CACNA2D2: variants seen among roughly 807,000 people sequenced by gnomAD.
CACNA2D2 encodes calcium voltage-gated channel auxiliary subunit alpha2delta 2.
A neutral mutation model predicts 166.4 loss-of-function variants in CACNA2D2; 48 were observed. That is an observed-to-expected ratio of 0.29 (90% CI 0.23 to 0.37). The LOEUF (loss-of-function observed/expected upper bound fraction) is 0.37. CACNA2D2 is among the 10% of genes least tolerant of loss of function. The pLI is 1.00. For missense variants in CACNA2D2, 1,122 were observed against 1,433.0 expected, an observed-to-expected ratio of 0.78 and a Z score of 3.50; for synonymous variants, 561 against 573.7, an observed-to-expected ratio of 0.98 and a Z score of 0.32.
intron 2 of CACNA2D2, among the ~76,000 whole-genome samples, chr3:50,436,786 G>A (rs1247605697): frequency 1.3e-5 from 2 of 152,216 alleles, no homozygotes; most frequent in African/African-American, 4.8e-5. Flanking sequence ...GCTGTCCAAA[G>A]CCATCGGCTC....
At chr3:50,460,593 G>A (rs1221193963) in intron 2 of CACNA2D2, among the ~76,000 whole-genome samples, 14 of 152,078 alleles carry the variant, frequency 9.2e-5, no homozygotes, top group Admixed American at 2.6e-4. Flanking sequence ...GGTGGCTCAC[G>A]CCTCTAATCC....
At chr3:50,370,182 T>C in intron 23 of CACNA2D2, 138 bp downstream of exon 23, 1 of 674,906 alleles carries the variant, frequency 1.5e-6, no homozygotes, top group South Asian at 1.7e-5. Context: ...CAGCCGCGCA[T>C]ACCGGGCGAT....
intron 2 of CACNA2D2, among the ~76,000 whole-genome samples, chr3:50,439,071 G>A (rs746447394): frequency 1.3e-5 from 2 of 152,224 alleles, no homozygotes; most frequent in East Asian, 1.9e-4. Context: ...GAACTGGGTC[G>A]AATCCAAAGC....
Position 50,368,923 on chromosome 3 carries a change from T to G in CACNA2D2, c.2046-688A>C, listed in dbSNP as rs146364236. Among the ~76,000 whole-genome samples, 178 of 152,316 alleles carry G rather than the reference T, an allele frequency of 1.2e-3. 1 individual carries two copies. Among genetic ancestry groups the G allele is most frequent in the African/African-American group, 4.1e-3 (171 of 41,566 alleles). ...CTTGGGAGCAATCCCTCTACCCTGATAGGTGGAGCTCTCTCTCGCTCGACC... is the reference window on the plus strand; with the variant it reads ...CTTGGGAGCAATCCCTCTACCCTGAGAGGTGGAGCTCTCTCTCGCTCGACC... On this transcript the variant is annotated intron_variant, in intron 23 of 37. Transcript: ENST00000424201.
intron 22 of CACNA2D2, 139 bp downstream of exon 22, chr3:50,374,598 C>T (rs1456084569): frequency 1.2e-6 from 1 of 837,526 alleles, no homozygotes; most frequent in African/African-American, 1.7e-5. Context: ...GTGCCCCAGC[C>T]TGCGGGCACC....
chr3:50,482,311 G>A (rs1698086379), intron 1 of CACNA2D2, among the ~76,000 whole-genome samples: 1 of 152,206 alleles, frequency 6.6e-6, no homozygotes, highest in South Asian at 2.1e-4. Flanking sequence ...CACCTTCCCT[G>A]GGGAGTCCTC....
intron 2 of CACNA2D2, among the ~76,000 whole-genome samples, chr3:50,435,999 G>A (rs1708303625): frequency 6.6e-6 from 1 of 152,166 alleles, no homozygotes; most frequent in South Asian, 2.1e-4. Flanking sequence ...AGAGACACAG[G>A]GTGAGGAGGG....
intron 22 of CACNA2D2, chr3:50,373,083 G>A: frequency 1.3e-6 from 2 of 1,535,164 alleles, no homozygotes; most frequent in Non-Finnish European, 1.7e-6. Context: ...TTGCTGATTG[G>A]CACTGGGACA....
intron 22 of CACNA2D2, among the ~76,000 whole-genome samples, chr3:50,370,725 T>C (rs1704613195): frequency 6.6e-6 from 1 of 151,968 alleles, no homozygotes; most frequent in South Asian, 2.1e-4. Flanking sequence ...CACATATATA[T>C]ACACACACTG....
chr3:50,390,795 G>C (rs1047012268), intron 4 of CACNA2D2, among the ~76,000 whole-genome samples: 1 of 152,188 alleles, frequency 6.6e-6, no homozygotes, highest in Non-Finnish European at 1.5e-5. Context: ...TGGGTCTCAG[G>C]GAACAAGCTG....
At position 50,427,409 on chromosome 3, in the gene CACNA2D2, G is replaced by A. The variant is rs1243308087; in HGVS notation, c.405+6904C>T. On this transcript the variant is annotated intron_variant, in intron 3 of 37. Transcript: ENST00000424201. This position sits in a 1 kb window ranked among gnomAD's most constrained non-coding sequence, Gnocchi z 4.7. ...GCCAGGAAGCAGCGGCACTGTTTGGGTGAGGGGAGAATAATCAGCTGTAAA... is the reference window on the plus strand; with the variant it reads ...GCCAGGAAGCAGCGGCACTGTTTGGATGAGGGGAGAATAATCAGCTGTAAA... 6.6e-6 allele frequency among the ~76,000 whole-genome samples: 1 copy of A among 152,252 alleles called. No homozygotes were observed. Among genetic ancestry groups the A allele is most frequent in the African/African-American group, 2.4e-5 (1 of 41,470 alleles).
rs1704368344 is a variant in CACNA2D2 at position 50,367,322 on chromosome 3, C to A, written c.2401+72G>T. 1 of 1,396,878 alleles carries A rather than the reference C, an allele frequency of 7.2e-7. No homozygotes were observed. The highest frequency in any genetic ancestry group is 1.8e-5 in the Admixed American group (1 of 56,254). 86.5% of individuals were successfully genotyped at this position (1,396,878 alleles called of 1,614,324 possible). On this transcript the variant is annotated intron_variant, in intron 27 of 37. Transcript: ENST00000424201. The surrounding 1 kb of genome is among the most constrained non-coding windows in gnomAD (Gnocchi z 6.5). ...GGAGAGGGGCCTCAGACAGCAGAGC[C>A]CAGTTCTGGCTGAGCAGACAGGGAA...
Position 50,365,206 on chromosome 3 carries a change from G to A in CACNA2D2, c.3099-22C>T. The stretch of plus-strand genomic sequence containing the variant: ...CAGCCTGCGGGCAGCCCGGAAAGGC[G>A]GGGCGTTGAGTTTGCCCCGCCCTGA... On this transcript the variant is annotated intron_variant, in intron 35 of 37. Coordinates refer to ENST00000424201, the MANE Select transcript of CACNA2D2 (RefSeq NM_006030.4). This position sits in a 1 kb window ranked among gnomAD's most constrained non-coding sequence, Gnocchi z 4.5. 6.2e-7 allele frequency: 1 copy of A among 1,610,436 alleles called. No homozygotes were observed. Among genetic ancestry groups the A allele is most frequent in the Non-Finnish European group, 8.5e-7 (1 of 1,178,656 alleles).
intron 3 of CACNA2D2, among the ~76,000 whole-genome samples, chr3:50,421,600 G>A (rs1358586759): frequency 6.6e-6 from 1 of 152,102 alleles, no homozygotes; most frequent in East Asian, 1.9e-4. Context: ...ACCCCATGGT[G>A]CCCTGCTCCC....
At chr3:50,415,202 G>A (rs567663460) in intron 3 of CACNA2D2, among the ~76,000 whole-genome samples, 9 of 152,342 alleles carry the variant, frequency 5.9e-5, no homozygotes, top group East Asian at 1.9e-4. Context: ...CACAGGCTCC[G>A]ATGTGAGGGA....
intron 1 of CACNA2D2, among the ~76,000 whole-genome samples, chr3:50,488,793 G>A (rs537129325): frequency 7.9e-5 from 12 of 151,804 alleles, no homozygotes; most frequent in Non-Finnish European, 1.6e-4. Flanking sequence ...TCCGCCCCTC[G>A]GGTTCATGCC....
At chr3:50,392,386 G>T (rs557892539) in intron 4 of CACNA2D2, among the ~76,000 whole-genome samples, 1 of 152,320 alleles carries the variant, frequency 6.6e-6, no homozygotes, top group South Asian at 2.1e-4. Context: ...CAGCAGCTGG[G>T]AAGGAGGGAG....
intron 6 of CACNA2D2, 140 bp downstream of exon 6, chr3:50,384,056 G>A (rs1275126166): frequency 3.9e-6 from 4 of 1,026,542 alleles, no homozygotes; most frequent in Admixed American, 2.1e-5. Flanking sequence ...TCTGAGAGGT[G>A]CGCAGGAGTA....
chr3:50,371,577 G>A (rs1301964994), intron 22 of CACNA2D2, among the ~76,000 whole-genome samples: 1 of 152,076 alleles, frequency 6.6e-6, no homozygotes, highest in Non-Finnish European at 1.5e-5. Flanking sequence ...TTGCTCCCAG[G>A]GCTTTAATTG....
Sources: allele counts gnomAD v4.1 joint callset (sites outside exome capture counted in the v4.1 genomes callset), GRCh38; gene constraint gnomAD v4.1.1; non-coding constraint Gnocchi (gnomAD v3.1); transcripts MANE v1.5; gene names NCBI Gene and HGNC (gene_info 2026-07-23, HGNC 2026-07-21).